CNTNAP2: variants seen among roughly 807,000 people sequenced by gnomAD.
CNTNAP2 encodes the protein contactin associated protein 2, also known as contactin-associated protein-like 2.
In CNTNAP2, 98 loss-of-function variants were observed where a neutral mutation model predicts 155.2. The ratio of observed to expected loss-of-function variants is 0.63; its 90% CI spans 0.54 to 0.75. The LOEUF (loss-of-function observed/expected upper bound fraction) is 0.75, where lower values mean the gene tolerates loss of function less well. CNTNAP2 is among the 30% of genes least tolerant of loss of function. The pLI is 0.00. For synonymous variants in CNTNAP2, 651 were observed against 631.2 expected, an observed-to-expected ratio of 1.03 and a Z score of -0.47; for missense variants, 1,727 against 1,688.1, an observed-to-expected ratio of 1.02 and a Z score of -0.40.
In CNTNAP2 at chr7:147,751,954, C is replaced by T. The variant is rs187887669; in HGVS notation, c.2098+112648C>T. Among the ~76,000 whole-genome samples the T allele has an allele frequency of 9.6e-4, 144 of 149,900 alleles. 1 individual carries two copies. The highest frequency in any genetic ancestry group is 1.8e-3 in the Non-Finnish European group (118 of 67,238). ...GAGGTTAAGTGCATATACAAATCCA[C>T]GGTTGGAAGCAATCGAGCTGGAATC... On this transcript the variant is annotated intron_variant, in intron 13 of 23. Transcript: ENST00000361727.
chr7:146,800,634 G>A (rs568849634), intron 2 of CNTNAP2, among the ~76,000 whole-genome samples: 18 of 152,268 alleles, frequency 1.2e-4, no homozygotes, highest in African/African-American at 2.6e-4. Context: ...TTCCTTGAGC[G>A]CCACAAATAA....
At chr7:147,871,438 G>A (rs17170713) in intron 13 of CNTNAP2, among the ~76,000 whole-genome samples, 5,920 of 152,170 alleles carry the variant, frequency 0.039, 365 homozygotes, top group African/African-American at 0.14. Flanking sequence ...TGTAATATTA[G>A]CTACTATTTT....
intron 15 of CNTNAP2, among the ~76,000 whole-genome samples, chr7:148,059,126 T>TA (rs1194486923): frequency 2.0e-5 from 3 of 151,284 alleles, no homozygotes; most frequent in Non-Finnish European, 4.4e-5. Context: ...ACCAAAAAAA[T>TA]AAAAAATAAA....
intron 8 of CNTNAP2, among the ~76,000 whole-genome samples, chr7:147,238,402 GACACACACACAC>G (rs147589329): frequency 2.0e-5 from 3 of 149,270 alleles, no homozygotes; most frequent in South Asian, 4.2e-4. Context: ...TATGTGTGCA[GACACACACACAC>G]ACACACACAC....
At chr7:146,871,281 A>T (rs1795301012) in intron 3 of CNTNAP2, among the ~76,000 whole-genome samples, 1 of 152,164 alleles carries the variant, frequency 6.6e-6, no homozygotes, top group South Asian at 2.1e-4. Flanking sequence ...CTGTAATCCT[A>T]GCACTTTGGG....
chr7:146,473,929 G>A lies in CNTNAP2; in HGVS notation c.98-300342G>A, dbSNP rs776707500. Among the ~76,000 whole-genome samples the A allele has an allele frequency of 6.7e-4, 102 of 152,168 alleles. 1 individual carries two copies. Among genetic ancestry groups the A allele is most frequent in the Non-Finnish European group, 1.2e-3 (84 of 67,988 alleles). ...AAAAGATTTCAGGATTGTGTCCACCGTACAAAAATCAGAAATTTATTTTTA... is the reference window on the plus strand; with the variant it reads ...AAAAGATTTCAGGATTGTGTCCACCATACAAAAATCAGAAATTTATTTTTA... On this transcript the variant is annotated intron_variant, in intron 1 of 23. Coordinates refer to ENST00000361727, the MANE Select transcript of CNTNAP2 (RefSeq NM_014141.6).
At chr7:147,893,137 G>A (rs1799720129) in intron 13 of CNTNAP2, among the ~76,000 whole-genome samples, 1 of 152,124 alleles carries the variant, frequency 6.6e-6, no homozygotes, top group African/African-American at 2.4e-5. Flanking sequence ...AAACAAAAGA[G>A]AATATTGCTA....
intron 3 of CNTNAP2, among the ~76,000 whole-genome samples, chr7:147,035,131 AC>A (rs1799129576): frequency 6.6e-6 from 1 of 151,978 alleles, no homozygotes. Flanking sequence ...ACTATGAGGC[AC>A]CCTATGGAAC....
At chr7:147,439,193 A>G (rs1420463851) in intron 10 of CNTNAP2, among the ~76,000 whole-genome samples, 2 of 151,228 alleles carry the variant, frequency 1.3e-5, no homozygotes, top group Non-Finnish European at 3.0e-5. Flanking sequence ...GTTTATTTGA[A>G]GTTTTTCTTA....
intron 9 of CNTNAP2, among the ~76,000 whole-genome samples, chr7:147,326,143 C>G (rs963365854): frequency 9.2e-5 from 14 of 152,184 alleles, no homozygotes; most frequent in Non-Finnish European, 1.6e-4. Flanking sequence ...CCAGGATGGT[C>G]TCGATCTCCT....
intron 16 of CNTNAP2, among the ~76,000 whole-genome samples, chr7:148,119,104 G>C (rs1047530874): frequency 6.6e-6 from 1 of 152,182 alleles, no homozygotes; most frequent in Non-Finnish European, 1.5e-5. Context: ...GTTGAACTCC[G>C]TTGGCTGTGA....
rs557662369 is a variant in CNTNAP2, at chr7:147,078,702, T to C, written c.551-29445T>C. Among the ~76,000 whole-genome samples, 19 of 152,206 alleles carry C rather than the reference T, an allele frequency of 1.2e-4. No individual in the cohort carries two copies. The South Asian group carries it at 3.7e-3, about 30-fold the overall frequency. On this transcript the variant is annotated intron_variant, in intron 4 of 23. Coordinates refer to ENST00000361727, the MANE Select transcript of CNTNAP2 (RefSeq NM_014141.6). The stretch of plus-strand genomic sequence containing the variant: ...TATTCCTCCATTAAAAAAAACTCTC[T>C]ATCTAGTCTAATTTCTAATATTGAA...
At chr7:147,766,555 C>A (rs1797386947) in intron 13 of CNTNAP2, among the ~76,000 whole-genome samples, 1 of 152,014 alleles carries the variant, frequency 6.6e-6, no homozygotes, top group Admixed American at 6.6e-5. Flanking sequence ...GATATTGAGT[C>A]TGATTCATTT....
chr7:146,395,779 T>TGATAGATAGATA (rs1554427700), intron 1 of CNTNAP2, among the ~76,000 whole-genome samples: 2,164 of 121,764 alleles, frequency 0.018, 33 homozygotes, highest in South Asian at 0.032. Context: ...GATAGACAGA[T>TGATAGATAGATA]GATAGATAGA....
At chr7:147,056,746 G>C (rs140481439) in intron 4 of CNTNAP2, among the ~76,000 whole-genome samples, 1 of 152,048 alleles carries the variant, frequency 6.6e-6, no homozygotes, top group African/African-American at 2.4e-5. Flanking sequence ...TTCAATCTCT[G>C]GATGAGCTTT....
At chr7:148,395,932 C>T (rs1003890388) in intron 22 of CNTNAP2, among the ~76,000 whole-genome samples, 8 of 152,142 alleles carry the variant, frequency 5.3e-5, no homozygotes, top group African/African-American at 1.9e-4. Context: ...CCTTTCTTTC[C>T]CTTCATCCCC....
chr7:147,703,808 C>T (rs546198128), intron 13 of CNTNAP2, among the ~76,000 whole-genome samples: 2 of 152,242 alleles, frequency 1.3e-5, no homozygotes, highest in Admixed American at 6.5e-5. Flanking sequence ...ATTCCTTCTA[C>T]CTAAATGTAT....
At chr7:147,206,559 TAAATAAAATAAAATA>T (rs765182268) in intron 8 of CNTNAP2, among the ~76,000 whole-genome samples, 2 of 152,026 alleles carry the variant, frequency 1.3e-5, no homozygotes, top group Admixed American at 6.6e-5. Flanking sequence ...CTCCAATGAA[TAAATAAAATAAAATA>T]AAATAAATTA....
chr7:146,237,255 T>C (rs910793915), intron 1 of CNTNAP2, among the ~76,000 whole-genome samples: 2 of 152,130 alleles, frequency 1.3e-5, no homozygotes, highest in Admixed American at 6.6e-5. Context: ...CAAAAGGGAA[T>C]GTTCTCAAAG....
Sources: allele counts gnomAD v4.1 joint callset (sites outside exome capture counted in the v4.1 genomes callset), GRCh38; gene constraint gnomAD v4.1.1; transcripts MANE v1.5; gene names NCBI Gene and HGNC (gene_info 2026-07-23, HGNC 2026-07-21).